CSNK1G2: variants seen among roughly 807,000 people sequenced by gnomAD.
CSNK1G2 encodes casein kinase I isoform gamma-2.
In CSNK1G2, 11 loss-of-function variants were observed where a neutral mutation model predicts 48.0. The observed-to-expected ratio is 0.23, with a 90% CI of 0.14 to 0.38. The LOEUF is 0.38. CSNK1G2 is among the 10% of genes least tolerant of loss of function. CSNK1G2 has a pLI of 1.00. For synonymous variants in CSNK1G2, 337 were observed against 254.1 expected (o/e 1.33, Z -3.10); for missense variants, 446 against 595.5 (o/e 0.75, Z 2.61).
chr19:1,972,243 T>C (rs1274140041), intron 2 of CSNK1G2, among the ~76,000 whole-genome samples: 1 of 152,242 alleles, frequency 6.6e-6, no homozygotes, highest in African/African-American at 2.4e-5. Context: ...GACGCTTGGC[T>C]GTTTCTGGAT....
intron 1 of CSNK1G2, among the ~76,000 whole-genome samples, chr19:1,951,877 T>G (rs918739755): frequency 6.6e-6 from 1 of 152,074 alleles, no homozygotes; most frequent in African/African-American, 2.4e-5. Context: ...AGACGGGGTT[T>G]CACCGTGTTA....
At chr19:1,942,066 G>C (rs1043080230) in intron 1 of CSNK1G2, among the ~76,000 whole-genome samples, 4 of 152,090 alleles carry the variant, frequency 2.6e-5, no homozygotes, top group African/African-American at 9.7e-5. Context: ...GGGGTGGTGG[G>C]GGGGAGGAAG....
At chr19:1,964,778 T>C (rs1293063362) in intron 1 of CSNK1G2, among the ~76,000 whole-genome samples, 3 of 151,234 alleles carry the variant, frequency 2.0e-5, no homozygotes, top group Non-Finnish European at 4.4e-5. Context: ...CAGGCTGGAG[T>C]GCAGTGGTGC....
At chr19:1,972,312 C>G (rs2015601033) in intron 2 of CSNK1G2, among the ~76,000 whole-genome samples, 1 of 152,312 alleles carries the variant, frequency 6.6e-6, no homozygotes, top group Non-Finnish European at 1.5e-5. Flanking sequence ...CTGGGCTCCT[C>G]GAGCACTCCA....
In CSNK1G2 at chr19:1,946,289, T is replaced by TATTTATTTATTA. The variant is rs56098852; in HGVS notation, c.-266+4871_-266+4872insATTTATTTATTA. On this transcript the variant is annotated intron_variant, in intron 1 of 11. Coordinates refer to ENST00000255641, the MANE Select transcript of CSNK1G2 (RefSeq NM_001319.7). ...TCGTTTATTTATTTATTTATTTATT[T>TATTTATTTATTA]TTTATTTATTTATTTTTTTTAAGAT... Among the ~76,000 whole-genome samples the TATTTATTTATTA allele has an allele frequency of 2.2e-3, 313 of 143,836 alleles. 1 individual carries two copies. Among genetic ancestry groups the TATTTATTTATTA allele is most frequent in the Middle Eastern group, 3.7e-3 (1 of 272 alleles). 94.4% of individuals were successfully genotyped at this position (143,836 alleles called of 152,430 possible).
intron 2 of CSNK1G2, among the ~76,000 whole-genome samples, 168 bp downstream of exon 2, chr19:1,970,127 A>C (rs2015516120): frequency 6.6e-6 from 1 of 152,112 alleles, no homozygotes; most frequent in African/African-American, 2.4e-5. Flanking sequence ...TGCGAGTGCC[A>C]CTTCCCTTCG....
intron 1 of CSNK1G2, among the ~76,000 whole-genome samples, chr19:1,945,746 C>T (rs1378618521): frequency 1.3e-5 from 2 of 150,552 alleles, no homozygotes; most frequent in Non-Finnish European, 2.9e-5. Flanking sequence ...CACTTGAACC[C>T]GGGAGGTGGA....
rs755399651 is a variant in CSNK1G2 at position 1,978,609 on chromosome 19, C to T, written c.306C>T (p.Val102=). 1 of 1,597,316 alleles carries T rather than the reference C, an allele frequency of 6.3e-7. No homozygotes were observed. Among genetic ancestry groups the T allele is most frequent in the South Asian group, 1.1e-5 (1 of 88,968 alleles). ...FYKQLSATEG[V]PQVYYFGPCG... is the part of the protein sequence containing the mutation. ...GTCTGTCCTCCGCCGCAGAGGGCGT[C>T]CCTCAGGTCTACTACTTCGGTCCGT... The change falls in exon 5 of 12, where the codon GTC becomes GTT. Residue 102 remains valine, a synonymous_variant. Coordinates refer to ENST00000255641, the MANE Select transcript of CSNK1G2 (RefSeq NM_001319.7). This position sits in a 1 kb window ranked among gnomAD's most constrained non-coding sequence, Gnocchi z 7.3.
intron 1 of CSNK1G2, among the ~76,000 whole-genome samples, chr19:1,951,919 A>T (rs1477873901): frequency 6.6e-6 from 1 of 152,066 alleles, no homozygotes; most frequent in Admixed American, 6.6e-5. Flanking sequence ...TGACCTCGTG[A>T]TCCACCCGCC....
At chr19:1,971,765 G>C (rs1450235970) in intron 2 of CSNK1G2, among the ~76,000 whole-genome samples, 1 of 137,152 alleles carries the variant, frequency 7.3e-6, no homozygotes, top group Non-Finnish European at 1.5e-5. Context: ...GGTGATGCCA[G>C]CTTTTTTTTT....
At chr19:1,955,032 A>G (rs1346202845) in intron 1 of CSNK1G2, among the ~76,000 whole-genome samples, 5 of 152,040 alleles carry the variant, frequency 3.3e-5, no homozygotes, top group African/African-American at 1.2e-4. Context: ...GCTTCCTTCC[A>G]GGCCCCGGCC....
intron 7 of CSNK1G2, 27 bp downstream of exon 7, chr19:1,979,275 C>T (rs1236571791): frequency 7.0e-6 from 11 of 1,567,086 alleles, no homozygotes; most frequent in Admixed American, 1.9e-5. Context: ...GGCAGGCGGG[C>T]GGGGACGCAG....
At chr19:1,976,048 C>G (rs1037861261) in intron 2 of CSNK1G2, 14 of 1,288,766 alleles carry the variant, frequency 1.1e-5, no homozygotes, top group Non-Finnish European at 1.2e-5. Context: ...AAGAAAAAAA[C>G]TTTGAAATCC....
intron 1 of CSNK1G2, among the ~76,000 whole-genome samples, chr19:1,960,879 ACT>A (rs1468393578): frequency 6.6e-6 from 1 of 152,126 alleles, no homozygotes; most frequent in Non-Finnish European, 1.5e-5. Flanking sequence ...ACAGAGCGAG[ACT>A]CTGTCTCAAA....
intron 2 of CSNK1G2, chr19:1,976,205 A>T (rs1272120452): frequency 3.3e-5 from 28 of 858,456 alleles, no homozygotes; most frequent in Non-Finnish European, 5.0e-6. Flanking sequence ...AACGTGTTAC[A>T]CTGGGGAGAA....
At position 1,978,666 on chromosome 19, in the gene CSNK1G2, G is replaced by A; in HGVS notation, c.363G>A (p.Leu121=). ...AGTACAACGCCATGGTGCTGGAGCT[G>A]CTGGGGCCCAGCCTGGAGGACCTGT... ...CGKYNAMVLE[L]LGPSLEDLFD... Residue 121 remains leucine, a synonymous_variant, in exon 5 of 12, where the codon CTG becomes CTA. Transcript: ENST00000255641. This position sits in a 1 kb window ranked among gnomAD's most constrained non-coding sequence, Gnocchi z 7.3. The A allele has an allele frequency of 6.2e-7, 1 of 1,607,376 alleles. No individual in the cohort carries two copies. Among genetic ancestry groups the A allele is most frequent in the Non-Finnish European group, 8.5e-7 (1 of 1,177,294 alleles).
Position 1,980,770 on chromosome 19 carries a change from CA to C in CSNK1G2, c.*568del, listed in dbSNP as rs1282531067. The stretch of plus-strand genomic sequence containing the variant: ...GCCTCCCCGAAACCAAAGGGGAAGG[CA>C]GGGGTGGGGCCGTGGCTGAAGCCGG... On this transcript the variant is annotated 3_prime_UTR_variant, in exon 12 of 12. Coordinates refer to ENST00000255641, the MANE Select transcript of CSNK1G2 (RefSeq NM_001319.7). The C allele has an allele frequency of 6.5e-6, 1 of 153,526 alleles. No individual in the cohort carries two copies. The highest frequency in any genetic ancestry group is 1.5e-5 in the Non-Finnish European group (1 of 68,882). The allele number at this position is 153,526 out of a possible 1,614,324, so 9.5% of individuals were successfully genotyped here.
At chr19:1,964,354 G>C (rs1375749762) in intron 1 of CSNK1G2, among the ~76,000 whole-genome samples, 1 of 151,946 alleles carries the variant, frequency 6.6e-6, no homozygotes, top group Non-Finnish European at 1.5e-5. Context: ...CTTGAGACGT[G>C]TCAGCCAGCA....
chr19:1,976,038 A>G (rs760152172), intron 2 of CSNK1G2: 5 of 1,288,306 alleles, frequency 3.9e-6, no homozygotes, highest in Non-Finnish European at 4.0e-6. Context: ...CTGCTCCAAA[A>G]AGAAAAAAAC....
Sources: gnomAD v4.1 joint callset for allele counts (sites outside exome capture counted in the v4.1 genomes callset) on GRCh38, gnomAD v4.1.1 for gene constraint, Gnocchi (gnomAD v3.1) non-coding constraint, MANE v1.5 for transcripts, NCBI Gene and HGNC (gene_info 2026-07-23, HGNC 2026-07-21) for gene names.